PSMD5: variants seen among roughly 807,000 people sequenced by gnomAD.
The protein encoded by PSMD5 is proteasome 26S subunit, non-ATPase 5.
A neutral mutation model predicts 52.1 loss-of-function variants in PSMD5; 40 were observed. The ratio of observed to expected loss-of-function variants is 0.77; its 90% confidence interval spans 0.60 to 1.00. The LOEUF is 1.00. Among genes scored for constraint, PSMD5 ranks in the 50% least tolerant of loss-of-function variants. The probability of loss-of-function intolerance (pLI) is 0.00; values close to 1 mark genes in which losing one functional copy is unlikely to be tolerated. For synonymous variants in PSMD5, 211 were observed against 226.6 expected (o/e 0.93, Z 0.62); for missense variants, 575 against 605.2 (o/e 0.95, Z 0.52).
chr9:120,839,528 C>A (rs1363881636), intron 1 of PSMD5, among the ~76,000 whole-genome samples: 3 of 152,024 alleles, frequency 2.0e-5, no homozygotes, highest in African/African-American at 7.2e-5. Context: ...ATAGGCAGAC[C>A]CAAATAATGT....
At chr9:120,827,658 T>C (rs1330988002) in intron 5 of PSMD5, among the ~76,000 whole-genome samples, 1 of 152,246 alleles carries the variant, frequency 6.6e-6, no homozygotes, top group Non-Finnish European at 1.5e-5. Context: ...ACTGAAGCAA[T>C]GTAACTAGTG....
intron 5 of PSMD5, 105 bp from the exon 6 acceptor site, chr9:120,827,012 C>A: frequency 4.2e-6 from 5 of 1,192,098 alleles, no homozygotes; most frequent in Non-Finnish European, 5.7e-6. Context: ...TTATCACATT[C>A]GAAAGGTCAA....
intron 6 of PSMD5, among the ~76,000 whole-genome samples, chr9:120,825,869 A>C (rs2045118133): frequency 6.6e-6 from 1 of 152,030 alleles, no homozygotes; most frequent in African/African-American, 2.4e-5. Context: ...CAAACAGGGA[A>C]ATTTTCACTT....
chr9:120,831,306 T>G, intron 4 of PSMD5, 25 bp downstream of exon 4: 1 of 1,562,000 alleles, frequency 6.4e-7, no homozygotes, highest in South Asian at 1.2e-5. Flanking sequence ...TTTGTAAGCA[T>G]GAGAAAGTGT....
intron 1 of PSMD5, among the ~76,000 whole-genome samples, chr9:120,837,482 C>A (rs1773641410): frequency 6.6e-6 from 1 of 152,214 alleles, no homozygotes; most frequent in Non-Finnish European, 1.5e-5. Context: ...AGGCATGAGC[C>A]ACCACACCCA....
intron 7 of PSMD5, among the ~76,000 whole-genome samples, chr9:120,823,100 T>A (rs1370640782): frequency 6.6e-6 from 1 of 152,118 alleles, no homozygotes; most frequent in African/African-American, 2.4e-5. Flanking sequence ...TGAGATAATT[T>A]TCAACATATG....
rs532542137 is a variant in PSMD5 at position 120,840,706 on chromosome 9, G to A, written c.173+2031C>T. On this transcript the variant is annotated intron_variant, in intron 1 of 9. Coordinates refer to ENST00000210313, the MANE Select transcript of PSMD5 (RefSeq NM_005047.4). ...GCGATCTCGTCTCACCGCAACCTCT[G>A]CCTCCCAGGTTCAAGAGATTCTCCT... 3.4e-5 allele frequency among the ~76,000 whole-genome samples: 5 copies of A among 144,986 alleles called. No individual in the cohort carries two copies. In the East Asian group the frequency reaches 8.1e-4, roughly 24 times the overall value.
At chr9:120,830,882 T>A (rs1246664985) in intron 4 of PSMD5, among the ~76,000 whole-genome samples, 1 of 97,112 alleles carries the variant, frequency 1.0e-5, no homozygotes, top group African/African-American at 3.3e-5. Context: ...TATATTGCAC[T>A]GTAAATATAT....
At chr9:120,842,363 G>C (rs959670707) in intron 1 of PSMD5, 1 of 223,894 alleles carries the variant, frequency 4.5e-6, no homozygotes, top group African/African-American at 2.3e-5. Flanking sequence ...GATGGTTCTT[G>C]CCACATTGCC....
intron 7 of PSMD5, among the ~76,000 whole-genome samples, chr9:120,823,958 G>A (rs1181687763): frequency 1.3e-5 from 2 of 151,850 alleles, no homozygotes; most frequent in Admixed American, 6.6e-5. Flanking sequence ...GAAAAGTGAA[G>A]TGAGTAAATG....
intron 9 of PSMD5, 65 bp downstream of exon 9, chr9:120,820,770 GCTCA>G (rs2045077926): frequency 5.6e-6 from 8 of 1,431,462 alleles, no homozygotes; most frequent in Non-Finnish European, 7.4e-6. Context: ...ACAGGCTCTG[GCTCA>G]CTGTTAAGTA....
intron 6 of PSMD5, 155 bp downstream of exon 6, chr9:120,826,609 TG>T: frequency 1.1e-6 from 1 of 897,622 alleles, no homozygotes; most frequent in Non-Finnish European, 1.6e-6. Context: ...TGAACTTGGT[TG>T]CTCTAGATAT....
rs916287320 is a variant in PSMD5 at position 120,831,030 on chromosome 9, C to T, written c.561+301G>A. ...TCCTGAGTAGCTGGGACGACATGCACATACCACCATGCACAGCTAATTTTT... is the reference window on the plus strand; with the variant it reads ...TCCTGAGTAGCTGGGACGACATGCATATACCACCATGCACAGCTAATTTTT... On this transcript the variant is annotated intron_variant, in intron 4 of 9. Coordinates refer to ENST00000210313, the MANE Select transcript of PSMD5 (RefSeq NM_005047.4). Among the ~76,000 whole-genome samples, 70 of 152,246 alleles carry T rather than the reference C, an allele frequency of 4.6e-4. 1 individual carries two copies. The highest frequency in any genetic ancestry group is 1.5e-3 in the African/African-American group (63 of 41,526).
At chr9:120,820,747 C>G in intron 9 of PSMD5, 92 bp downstream of exon 9, 1 of 1,284,574 alleles carries the variant, frequency 7.8e-7, no homozygotes, top group Admixed American at 2.7e-5. Flanking sequence ...ACTTGTGCAT[C>G]CCCAGAGATG....
intron 1 of PSMD5, among the ~76,000 whole-genome samples, chr9:120,836,122 T>C (rs1285488363): frequency 1.3e-5 from 2 of 152,254 alleles, no homozygotes; most frequent in Non-Finnish European, 2.9e-5. Flanking sequence ...GTCTGGTTTA[T>C]TTCATTTAGC....
intron 5 of PSMD5, 140 bp from the exon 6 acceptor site, chr9:120,827,047 G>T: frequency 1.2e-6 from 1 of 806,292 alleles, no homozygotes; most frequent in Non-Finnish European, 1.8e-6. Context: ...CTTTTCACAT[G>T]AAGCCCTAAG....
At chr9:120,821,182 G>C (rs1048558798) in intron 8 of PSMD5, among the ~76,000 whole-genome samples, 173 bp downstream of exon 8, 1 of 152,174 alleles carries the variant, frequency 6.6e-6, no homozygotes, top group African/African-American at 2.4e-5. Flanking sequence ...GCAGTCTCTA[G>C]AGTCTCTTCA....
intron 9 of PSMD5, among the ~76,000 whole-genome samples, chr9:120,819,139 T>C (rs2045065609): frequency 6.6e-6 from 1 of 152,236 alleles, no homozygotes; most frequent in Non-Finnish European, 1.5e-5. Context: ...TCAAAACCTA[T>C]TACGTTTTAA....
At position 120,842,724 on chromosome 9, in the gene PSMD5, G is replaced by A. The variant is rs772412960; in HGVS notation, c.173+13C>T. ...GCCCCTCTCCTCGGCTCAAGCCCCC[G>A]GGGTCCTCTCACCTATGGTTCTCGT... On this transcript the variant is annotated intron_variant, in intron 1 of 9. Transcript: ENST00000210313. 13 of 1,612,804 alleles carry A rather than the reference G, an allele frequency of 8.1e-6. No homozygotes were observed. The highest frequency in any genetic ancestry group is 1.6e-4 in the Middle Eastern group (1 of 6,082).
Sources: gnomAD v4.1 joint callset for allele counts (sites outside exome capture counted in the v4.1 genomes callset) on GRCh38, gnomAD v4.1.1 for gene constraint, MANE v1.5 for transcripts, NCBI Gene and HGNC (gene_info 2026-07-23, HGNC 2026-07-21) for gene names.